The following PPM1H variants were observed in gnomAD, a reference collection of about 807,000 sequenced individuals.
PPM1H encodes protein phosphatase, Mg2+/Mn2+ dependent 1H.
Under a neutral mutation model 54.9 loss-of-function variants are expected in PPM1H, and 27 were observed. The observed-to-expected ratio is 0.49, with a 90% CI of 0.36 to 0.68. The LOEUF is 0.68. Among genes scored for constraint, PPM1H ranks in the 30% least tolerant of loss-of-function variants. The pLI is 0.00. For missense variants in PPM1H, 596 were observed against 667.8 expected (o/e 0.89, Z 1.19); for synonymous variants, 305 against 270.8 (o/e 1.13, Z -1.24).
chr12:62,923,884 G>C (rs1387540157), intron 1 of PPM1H, among the ~76,000 whole-genome samples: 3 of 152,162 alleles, frequency 2.0e-5, no homozygotes, highest in Non-Finnish European at 4.4e-5. Flanking sequence ...CTCTAGGGCA[G>C]GTTAAATACA....
At chr12:62,677,428 G>A (rs377550345) in intron 8 of PPM1H, among the ~76,000 whole-genome samples, 12 of 152,202 alleles carry the variant, frequency 7.9e-5, no homozygotes, top group East Asian at 1.9e-4. Flanking sequence ...GGAGCTCCCC[G>A]AGCCAGGGTT....
intron 1 of PPM1H, among the ~76,000 whole-genome samples, chr12:62,873,728 G>GT (rs1555202860): frequency 6.6e-6 from 1 of 152,212 alleles, no homozygotes; most frequent in Non-Finnish European, 1.5e-5. Context: ...ATCAGGCTGT[G>GT]TAAAAGTTTG....
At chr12:62,679,715 C>T (rs1565754253) in intron 8 of PPM1H, among the ~76,000 whole-genome samples, 1 of 152,112 alleles carries the variant, frequency 6.6e-6, no homozygotes, top group Non-Finnish European at 1.5e-5. Context: ...CAACCCGGCT[C>T]CTCCTCTTCA....
intron 1 of PPM1H, among the ~76,000 whole-genome samples, chr12:62,930,533 C>G (rs1565832569): frequency 6.6e-6 from 1 of 152,198 alleles, no homozygotes; most frequent in Non-Finnish European, 1.5e-5. Flanking sequence ...GGCACAAATT[C>G]CATGCCTGCT....
rs184429932 is a variant in PPM1H at position 62,755,827 on chromosome 12, C to T, written c.870-18241G>A. On this transcript the variant is annotated intron_variant, in intron 4 of 9. Transcript: ENST00000228705. ...CTGGGAAACTGTGGTGTGACAGCCA[C>T]GGCGCTCTCCAGAACATCATCCCTG... The T allele has an allele frequency of 2.0e-3, 1,654 of 816,008 alleles. 15 individuals are homozygous for T. The highest frequency in any genetic ancestry group is 0.018 in the Admixed American group (962 of 54,500). 50.5% of individuals were successfully genotyped at this position (816,008 alleles called of 1,614,324 possible).
Position 62,644,614 on chromosome 12 carries a change from A to C in PPM1H, c.*3875T>G, listed in dbSNP as rs2075774943. 6.6e-6 allele frequency: 1 copy of C among 152,232 alleles called. No individual in the cohort carries two copies. Among genetic ancestry groups the C allele is most frequent in the African/African-American group, 2.4e-5 (1 of 41,456 alleles). 9.4% of individuals were successfully genotyped at this position (152,232 alleles called of 1,614,324 possible). A position where few individuals can be genotyped will look rare whatever the true frequency, so the allele number is the denominator to read the frequency against. ...CCATCTGACAAAAGCCACAGTGCTC[A>C]CAGAAGAGGCAAGTCAGTCTGCTCG... On this transcript the variant is annotated 3_prime_UTR_variant, in exon 10 of 10. Transcript: ENST00000228705.
At chr12:62,908,653 A>G (rs1871371525) in intron 1 of PPM1H, among the ~76,000 whole-genome samples, 1 of 152,140 alleles carries the variant, frequency 6.6e-6, no homozygotes, top group South Asian at 2.1e-4. Flanking sequence ...AGGGGCTGCA[A>G]CCACCCGAAG....
At chr12:62,713,028 T>C (rs935441540) in intron 6 of PPM1H, among the ~76,000 whole-genome samples, 9 of 152,212 alleles carry the variant, frequency 5.9e-5, no homozygotes, top group Non-Finnish European at 1.0e-4. Flanking sequence ...TCAGAGGGCA[T>C]TGAAGAGAGC....
At chr12:62,902,315 T>A (rs979686096) in intron 1 of PPM1H, among the ~76,000 whole-genome samples, 1 of 151,656 alleles carries the variant, frequency 6.6e-6, no homozygotes, top group African/African-American at 2.4e-5. Context: ...GATCGCACCA[T>A]TGCACTGCAG....
chr12:62,924,329 C>T (rs962964060), intron 1 of PPM1H, among the ~76,000 whole-genome samples: 2 of 152,188 alleles, frequency 1.3e-5, no homozygotes, highest in East Asian at 3.8e-4. Context: ...TCCCAGGTTA[C>T]ACATACAGGG....
At chr12:62,787,113 G>A (rs2076676512) in intron 4 of PPM1H, among the ~76,000 whole-genome samples, 1 of 152,156 alleles carries the variant, frequency 6.6e-6, no homozygotes, top group Non-Finnish European at 1.5e-5. Context: ...GCCTAAGTCT[G>A]CTTTGTAAAT....
intron 1 of PPM1H, among the ~76,000 whole-genome samples, chr12:62,898,593 T>C (rs1871067133): frequency 6.6e-6 from 1 of 152,216 alleles, no homozygotes. Flanking sequence ...TTGTCACGTG[T>C]TGCTAAGAGA....
At chr12:62,825,925 T>A (rs925057622) in intron 2 of PPM1H, among the ~76,000 whole-genome samples, 1 of 149,536 alleles carries the variant, frequency 6.7e-6, no homozygotes, top group African/African-American at 2.5e-5. Context: ...CAATTACAAT[T>A]AAAAAAAAAG....
At chr12:62,669,969 C>CTTTTTTGTTTTTTTT (rs2075946263) in intron 8 of PPM1H, among the ~76,000 whole-genome samples, 1 of 46,424 alleles carries the variant, frequency 2.2e-5, no homozygotes, top group Non-Finnish European at 3.3e-5. Context: ...GGATTGATTC[C>CTTTTTTGTTTTTTTT]TTTTTTTTTT....
chr12:62,908,268 G>A (rs564787738), intron 1 of PPM1H, among the ~76,000 whole-genome samples: 9 of 152,150 alleles, frequency 5.9e-5, no homozygotes, highest in African/African-American at 2.2e-4. Context: ...TTAGCTAGGC[G>A]TGATGGTGGG....
intron 9 of PPM1H, among the ~76,000 whole-genome samples, chr12:62,665,716 A>T (rs377595836): frequency 1.3e-4 from 19 of 151,768 alleles, no homozygotes; most frequent in African/African-American, 4.4e-4. Flanking sequence ...CTCTTTTAAG[A>T]CTCCTATTTT....
intron 3 of PPM1H, among the ~76,000 whole-genome samples, chr12:62,788,673 T>C (rs1332462096): frequency 1.4e-4 from 22 of 152,214 alleles, no homozygotes; most frequent in Admixed American, 1.4e-3. Context: ...TGAGCTACCA[T>C]GTGAAACATA....
At chr12:62,905,598 T>G (rs1871280949) in intron 1 of PPM1H, among the ~76,000 whole-genome samples, 1 of 152,174 alleles carries the variant, frequency 6.6e-6, no homozygotes, top group Non-Finnish European at 1.5e-5. Context: ...GTTTCTTCTA[T>G]TAAATATTTA....
chr12:62,869,550 G>C (rs1246842750), intron 1 of PPM1H, among the ~76,000 whole-genome samples: 3 of 152,090 alleles, frequency 2.0e-5, no homozygotes, highest in African/African-American at 7.2e-5. Flanking sequence ...TTCTTAGCTG[G>C]TTCCCTGCCT....
Sources: allele counts gnomAD v4.1 joint callset (sites outside exome capture counted in the v4.1 genomes callset), GRCh38; gene constraint gnomAD v4.1.1; transcripts MANE v1.5; gene names NCBI Gene and HGNC (gene_info 2026-07-23, HGNC 2026-07-21).